The following CDH4 variants were observed in gnomAD, a reference collection of about 807,000 sequenced individuals.
CDH4 encodes the protein cadherin 4.
A neutral mutation model predicts 86.0 loss-of-function variants in CDH4; 33 were observed. The ratio of observed to expected loss-of-function variants is 0.38; its 90% CI spans 0.29 to 0.51. The LOEUF (loss-of-function observed/expected upper bound fraction) is 0.51. Ranked by LOEUF, CDH4 falls within the 20% of genes least tolerant of loss-of-function variation. The probability of loss-of-function intolerance (pLI) is 0.86; values close to 1 mark genes in which losing one functional copy is unlikely to be tolerated. For synonymous variants in CDH4, 555 were observed against 549.4 expected, an observed-to-expected ratio of 1.01 and a Z score of -0.14; for missense variants, 1,114 against 1,307.4, an observed-to-expected ratio of 0.85 and a Z score of 2.28.
chr20:61,763,111 C>T (rs928033858), intron 3 of CDH4, among the ~76,000 whole-genome samples: 2 of 152,356 alleles, frequency 1.3e-5, no homozygotes, highest in Admixed American at 6.5e-5. Context: ...ATGCCACCAC[C>T]GCCATCTGTG....
intron 5 of CDH4, among the ~76,000 whole-genome samples, chr20:61,852,247 C>T (rs1209804038): frequency 1.3e-5 from 2 of 152,152 alleles, no homozygotes; most frequent in African/African-American, 4.8e-5. Context: ...CAAATGGGCC[C>T]AATTCCCAGC....
chr20:61,489,444 A>G (rs559723551), intron 2 of CDH4, among the ~76,000 whole-genome samples: 1 of 152,362 alleles, frequency 6.6e-6, no homozygotes, highest in South Asian at 2.1e-4. Flanking sequence ...AAAGAGATGC[A>G]AGAGAATGTT....
chr20:61,799,314 G>A (rs2146029098), intron 4 of CDH4, among the ~76,000 whole-genome samples: 1 of 152,324 alleles, frequency 6.6e-6, no homozygotes, highest in Non-Finnish European at 1.5e-5. Flanking sequence ...CTACCTCCAG[G>A]AGAAAAAGGT....
At chr20:61,853,837 G>A (rs373774379) in intron 6 of CDH4, among the ~76,000 whole-genome samples, 3 of 152,042 alleles carry the variant, frequency 2.0e-5, no homozygotes, top group African/African-American at 4.8e-5. Context: ...GGGGTGGAGA[G>A]GGGTCCTCTT....
intron 2 of CDH4, among the ~76,000 whole-genome samples, chr20:61,336,493 T>C (rs2084617723): frequency 6.6e-6 from 1 of 152,146 alleles, no homozygotes; most frequent in African/African-American, 2.4e-5. Context: ...CTCAGCACAA[T>C]ACCTATTCCT....
intron 2 of CDH4, among the ~76,000 whole-genome samples, chr20:61,534,880 CCTCAACCCGATGGCCTCCCTTG>C (rs1568881959): frequency 2.8e-5 from 4 of 142,710 alleles, no homozygotes; most frequent in South Asian, 2.3e-4. Flanking sequence ...GCCTGCTCAT[CCTCAACCCGATGGCCTCCCTTG>C]CTGGGACGCT....
intron 2 of CDH4, among the ~76,000 whole-genome samples, chr20:61,442,451 C>A (rs888737009): frequency 2.6e-5 from 4 of 152,198 alleles, no homozygotes; most frequent in African/African-American, 7.2e-5. Context: ...AAAAGAATAA[C>A]AGATCGTGAG....
At chr20:61,730,749 C>T (rs1270178232) in intron 2 of CDH4, among the ~76,000 whole-genome samples, 1 of 152,208 alleles carries the variant, frequency 6.6e-6, no homozygotes. Flanking sequence ...CACTCGACTG[C>T]ATCCCTGTGA....
At chr20:61,747,207 C>T (rs1209803509) in intron 3 of CDH4, among the ~76,000 whole-genome samples, 4 of 152,100 alleles carry the variant, frequency 2.6e-5, no homozygotes, top group African/African-American at 7.2e-5. Flanking sequence ...TTTGGGAGGC[C>T]GAGGCGGGCG....
chr20:61,377,000 G>A (rs1048363571), intron 2 of CDH4, among the ~76,000 whole-genome samples: 1 of 152,192 alleles, frequency 6.6e-6, no homozygotes, highest in African/African-American at 2.4e-5. Context: ...CCCAACCAGT[G>A]AGCGCTAGTT....
intron 2 of CDH4, among the ~76,000 whole-genome samples, chr20:61,580,581 T>A (rs1002165776): frequency 6.6e-6 from 1 of 152,224 alleles, no homozygotes; most frequent in African/African-American, 2.4e-5. Context: ...TGCATGGCCC[T>A]TCTCAGCTGC....
At chr20:61,668,653 A>G (rs892776708) in intron 2 of CDH4, among the ~76,000 whole-genome samples, 1 of 152,284 alleles carries the variant, frequency 6.6e-6, no homozygotes, top group African/African-American at 2.4e-5. Flanking sequence ...GAGAGGTGAA[A>G]TGGCACACCC....
chr20:61,736,904 G>A (rs1274633427), intron 2 of CDH4, among the ~76,000 whole-genome samples: 3 of 152,174 alleles, frequency 2.0e-5, no homozygotes, highest in Non-Finnish European at 4.4e-5. Flanking sequence ...GGTGACAGGC[G>A]GGGGCCAGCC....
chr20:61,288,378 A>G (rs371479924), intron 2 of CDH4, among the ~76,000 whole-genome samples: 1 of 152,190 alleles, frequency 6.6e-6, no homozygotes, highest in East Asian at 1.9e-4. Flanking sequence ...CCAGCGTTCA[A>G]AGCGGTGGCC....
intron 2 of CDH4, among the ~76,000 whole-genome samples, chr20:61,491,637 C>A (rs1160268258): frequency 6.6e-6 from 1 of 152,108 alleles, no homozygotes; most frequent in Non-Finnish European, 1.5e-5. Flanking sequence ...TTGTTTTGGC[C>A]CCATGTACAT....
intron 2 of CDH4, among the ~76,000 whole-genome samples, chr20:61,630,725 T>G (rs569979871): frequency 6.6e-6 from 1 of 152,348 alleles, no homozygotes; most frequent in South Asian, 2.1e-4. Context: ...TGGATTATAA[T>G]TCTTGGTCAT....
At chr20:61,431,299 C>T (rs973729839) in intron 2 of CDH4, among the ~76,000 whole-genome samples, 3 of 151,488 alleles carry the variant, frequency 2.0e-5, no homozygotes, top group Admixed American at 2.0e-4. Context: ...ATCTTGGCTA[C>T]TGAAGTTCCA....
chr20:61,647,542 T>TCTCC (rs2087075599), intron 2 of CDH4, among the ~76,000 whole-genome samples: 4 of 108,224 alleles, frequency 3.7e-5, no homozygotes, highest in Non-Finnish European at 6.2e-5. Flanking sequence ...TCCCTCTCCC[T>TCTCC]CTCCCTCTCC....
At chr20:61,858,001 GTGTCTC>G (rs1185875673) in intron 6 of CDH4, among the ~76,000 whole-genome samples, 2 of 151,764 alleles carry the variant, frequency 1.3e-5, no homozygotes, top group African/African-American at 2.4e-5. Flanking sequence ...GTGTCTCTGT[GTGTCTC>G]TGTGTCTGTG....
Sources: gnomAD v4.1 joint callset for allele counts (sites outside exome capture counted in the v4.1 genomes callset) on GRCh38, gnomAD v4.1.1 for gene constraint, MANE v1.5 for transcripts, NCBI Gene and HGNC (gene_info 2026-07-23, HGNC 2026-07-21) for gene names.